Variants in CLOCK observed in about 807,000 individuals in gnomAD.
The protein encoded by CLOCK is clock circadian regulator.
In CLOCK, 43 loss-of-function variants were observed where a neutral mutation model predicts 118.4. That is an observed-to-expected ratio of 0.36 (90% CI 0.28 to 0.47). The LOEUF (loss-of-function observed/expected upper bound fraction) is 0.47. Among genes scored for constraint, CLOCK ranks in the 20% least tolerant of loss-of-function variants. The pLI is 1.00. For missense variants in CLOCK, 846 were observed against 999.9 expected, an observed-to-expected ratio of 0.85 and a Z score of 2.08; for synonymous variants, 326 against 339.2, an observed-to-expected ratio of 0.96 and a Z score of 0.43.
Position 55,434,307 on chromosome 4 carries a change from A to G in CLOCK, c.*1108T>C, listed in dbSNP as rs1577659607. 1 of 152,662 alleles carries G rather than the reference A, an allele frequency of 6.6e-6. No individual in the cohort carries two copies. Among genetic ancestry groups the G allele is most frequent in the Non-Finnish European group, 1.5e-5 (1 of 68,036 alleles). The allele number at this position is 152,662 out of a possible 1,614,324, so 9.5% of individuals were successfully genotyped here. On this transcript the variant is annotated 3_prime_UTR_variant, in exon 23 of 23. Transcript: ENST00000513440. ...AATAAAAAAGATTTCAACAAATCCC[A>G]AAAGTTAAAATTCCCATGATTGAGA...
chr4:55,448,593 CACGCGCGCGTGTGT>C (rs1358502137), intron 18 of CLOCK, among the ~76,000 whole-genome samples, 172 bp downstream of exon 18: 52 of 64,924 alleles, frequency 8.0e-4, no homozygotes, highest in Middle Eastern at 7.2e-3. Context: ...TGCGCGCGCG[CACGCGCGCGTGTGT>C]GTGTGTGTGT....
At chr4:55,491,547 T>C (rs576637917) in intron 2 of CLOCK, among the ~76,000 whole-genome samples, 1 of 152,146 alleles carries the variant, frequency 6.6e-6, no homozygotes, top group African/African-American at 2.4e-5. Flanking sequence ...ACTCAATAAA[T>C]ATACACCAAC....
intron 2 of CLOCK, among the ~76,000 whole-genome samples, chr4:55,500,581 G>T (rs1197321651): frequency 6.6e-6 from 1 of 151,998 alleles, no homozygotes; most frequent in Non-Finnish European, 1.5e-5. Context: ...TAACTCCTGG[G>T]CTCAAGCAAT....
chr4:55,505,744 T>C (rs1479356047), intron 2 of CLOCK, among the ~76,000 whole-genome samples: 1 of 149,288 alleles, frequency 6.7e-6, no homozygotes, highest in Non-Finnish European at 1.5e-5. Flanking sequence ...TCTTAAACTT[T>C]ATACTTGGAA....
At chr4:55,485,018 C>T (rs1315314889) in intron 3 of CLOCK, among the ~76,000 whole-genome samples, 2 of 152,060 alleles carry the variant, frequency 1.3e-5, no homozygotes, top group East Asian at 1.9e-4. Context: ...GGCTGGAGTG[C>T]AGTGGCACGA....
At chr4:55,539,200 A>C (rs1458628357) in intron 1 of CLOCK, among the ~76,000 whole-genome samples, 2 of 151,848 alleles carry the variant, frequency 1.3e-5, no homozygotes, top group Non-Finnish European at 2.9e-5. Flanking sequence ...ACGCCACTGC[A>C]CTCCAGCCTA....
chr4:55,523,060 T>C (rs1560476327), intron 1 of CLOCK, among the ~76,000 whole-genome samples: 4 of 151,952 alleles, frequency 2.6e-5, no homozygotes, highest in African/African-American at 9.7e-5. Context: ...CTTTGGGAGA[T>C]GGAGGCGGGC....
intron 1 of CLOCK, among the ~76,000 whole-genome samples, chr4:55,530,870 C>G (rs927913123): frequency 2.7e-5 from 4 of 146,978 alleles, no homozygotes; most frequent in African/African-American, 1.0e-4. Context: ...GTAAATCTAA[C>G]CAGAAATGCA....
chr4:55,513,640 T>C (rs886790397), intron 1 of CLOCK, among the ~76,000 whole-genome samples: 1 of 152,178 alleles, frequency 6.6e-6, no homozygotes, highest in African/African-American at 2.4e-5. Flanking sequence ...CTGGGTCTTT[T>C]GCCTCTCCAT....
In CLOCK at chr4:55,432,385, A is replaced by AT. The variant is rs1019091182; in HGVS notation, c.*3029dup. On this transcript the variant is annotated 3_prime_UTR_variant, in exon 23 of 23. Coordinates refer to ENST00000513440, the MANE Select transcript of CLOCK (RefSeq NM_004898.4). ...GCACGGTAACTGCAGAGTAGCTAGC[A>AT]TTTTTCCTGAAACTCAGTAGTTTCT... 3.3e-5 allele frequency: 5 copies of AT among 151,262 alleles called. No homozygotes were observed. The highest frequency in any genetic ancestry group is 7.4e-5 in the Non-Finnish European group (5 of 67,876). The allele number at this position is 151,262 out of a possible 1,614,324, so 9.4% of individuals were successfully genotyped here.
At chr4:55,525,783 T>G (rs1730142296) in intron 1 of CLOCK, among the ~76,000 whole-genome samples, 1 of 152,036 alleles carries the variant, frequency 6.6e-6, no homozygotes, top group African/African-American at 2.4e-5. Context: ...TAAAAAAATT[T>G]TTTAAAGTAT....
rs1166993811 is a variant in CLOCK, at chr4:55,449,589, CT to C, written c.1349-94del. 3 of 1,106,814 alleles carry C rather than the reference CT, an allele frequency of 2.7e-6. No homozygotes were observed. In the East Asian group the frequency reaches 7.7e-5, roughly 28 times the overall value. 68.6% of individuals were successfully genotyped at this position (1,106,814 alleles called of 1,614,324 possible). A position where few individuals can be genotyped will look rare whatever the true frequency, so the allele number is the denominator to read the frequency against. ...AATGTATTTCAGTTAATAAAAATGG[CT>C]TTTGAATTATTTTTCCAAACCATTC... is the stretch of plus-strand genomic sequence containing the variant. On this transcript the variant is annotated intron_variant, in intron 16 of 22. Coordinates refer to ENST00000513440, the MANE Select transcript of CLOCK (RefSeq NM_004898.4).
chr4:55,507,830 C>A (rs1253741338), intron 2 of CLOCK, among the ~76,000 whole-genome samples: 1 of 152,012 alleles, frequency 6.6e-6, no homozygotes, highest in African/African-American at 2.4e-5. Context: ...ATGTGCCAGG[C>A]CTATGCTAAC....
At chr4:55,488,272 C>G (rs1727434567) in intron 3 of CLOCK, among the ~76,000 whole-genome samples, 1 of 152,144 alleles carries the variant, frequency 6.6e-6, no homozygotes, top group Non-Finnish European at 1.5e-5. Context: ...CTGGCATGTG[C>G]CAGGGCTGAA....
intron 2 of CLOCK, among the ~76,000 whole-genome samples, chr4:55,496,714 T>C (rs1283641044): frequency 2.0e-5 from 3 of 152,200 alleles, no homozygotes; most frequent in Non-Finnish European, 4.4e-5. Flanking sequence ...TTTTCCTTTC[T>C]AGCTTTAGTC....
chr4:55,506,307 T>C (rs913441039), intron 2 of CLOCK, among the ~76,000 whole-genome samples: 20 of 152,052 alleles, frequency 1.3e-4, no homozygotes, highest in Non-Finnish European at 2.8e-4. Flanking sequence ...CTCAGCCTCC[T>C]GGGTAGCTGG....
At chr4:55,512,784 A>G (rs1729248597) in intron 1 of CLOCK, among the ~76,000 whole-genome samples, 2 of 152,168 alleles carry the variant, frequency 1.3e-5, no homozygotes, top group African/African-American at 4.8e-5. Context: ...GCACATAGAC[A>G]GTTGCTCCGG....
At chr4:55,481,080 A>G (rs994671539) in intron 4 of CLOCK, among the ~76,000 whole-genome samples, 4 of 152,192 alleles carry the variant, frequency 2.6e-5, no homozygotes, top group African/African-American at 9.6e-5. Context: ...ACTCAACCCT[A>G]GGAGCAATAT....
At position 55,482,779 on chromosome 4, in the gene CLOCK, A is replaced by G; in HGVS notation, c.7T>C (p.Phe3Leu). 6.2e-7 allele frequency: 1 copy of G among 1,609,694 alleles called. No homozygotes were observed. Among genetic ancestry groups the G allele is most frequent in the Non-Finnish European group, 8.5e-7 (1 of 1,177,648 alleles). The stretch of plus-strand genomic sequence containing the variant: ...CTCATTTTACTACAGCTTACGGTAA[A>G]CAACATAACATACTACGTTTTCGTC... The part of the protein sequence containing the change: ML[F>L]TVSCSKMSSI... Residue 3 changes from phenylalanine (F) to leucine (L), a missense_variant, in exon 4 of 23, where the codon TTT (phenylalanine) becomes CTT (leucine). Phe to Leu is a conservative substitution (Grantham distance 22). Transcript: ENST00000513440.
Sources: allele counts gnomAD v4.1 joint callset (sites outside exome capture counted in the v4.1 genomes callset), GRCh38; gene constraint gnomAD v4.1.1; transcripts MANE v1.5; gene names NCBI Gene and HGNC (gene_info 2026-07-23, HGNC 2026-07-21).